The following MOB3C variants were observed in gnomAD, a reference collection of about 807,000 sequenced individuals.
The protein encoded by MOB3C is MOB kinase activator 3C.
Under a neutral mutation model 19.8 loss-of-function variants are expected in MOB3C, and 17 were observed. The observed-to-expected ratio is 0.86, with a 90% CI of 0.59 to 1.29. The LOEUF (loss-of-function observed/expected upper bound fraction) is 1.29. MOB3C is among the 50% of genes most tolerant of loss of function. The pLI is 0.00. For synonymous variants in MOB3C, 101 were observed against 119.2 expected (o/e 0.85, Z 0.99); for missense variants, 291 against 301.9 (o/e 0.96, Z 0.27).
In MOB3C at chr1:46,613,264, G is replaced by A. The variant is rs777449352; in HGVS notation, c.58C>T (p.Arg20Cys). The change falls in exon 2 of 4, where the codon CGC becomes TGC. Residue 20 changes from arginine (R) to cysteine (C), a missense_variant. By Grantham distance (180) the Arg-to-Cys change is radical (BLOSUM62 -3). Coordinates refer to ENST00000319928, the MANE Select transcript of MOB3C (RefSeq NM_201403.3). ...AKDKTFRPRK[R>C]FEPGTQRFEL... is the part of the protein sequence containing the mutation. ...AAGCGCTGTGTGCCCGGCTCAAAGCGCTTCCGCGGCCGGAACGTCTTGTCC... is the reference window on the plus strand; with the variant it reads ...AAGCGCTGTGTGCCCGGCTCAAAGCACTTCCGCGGCCGGAACGTCTTGTCC... 11 of 1,613,222 alleles carry A rather than the reference G, an allele frequency of 6.8e-6. No homozygotes were observed. The highest frequency in any genetic ancestry group is 1.7e-5 in the Admixed American group (1 of 60,018).
At position 46,608,999 on chromosome 1, in the gene MOB3C, G is replaced by A. The variant is rs1213328137; in HGVS notation, c.*656C>T. 1 of 153,866 alleles carries A rather than the reference G, an allele frequency of 6.5e-6. No homozygotes were observed. The highest frequency in any genetic ancestry group is 6.4e-5 in the Admixed American group (1 of 15,590). The allele number at this position is 153,866 out of a possible 1,614,324, so 9.5% of individuals were successfully genotyped here. Reference sequence around the variant, plus strand: ...GCTGATGGAAGAGTGTAGCCTGGAAGGTTTGAATGTAGAGCAACATCTACA... The same window carrying A: ...GCTGATGGAAGAGTGTAGCCTGGAAAGTTTGAATGTAGAGCAACATCTACA... On this transcript the variant is annotated 3_prime_UTR_variant, in exon 4 of 4. Coordinates refer to ENST00000319928, the MANE Select transcript of MOB3C (RefSeq NM_201403.3). This position sits in a 1 kb window ranked among gnomAD's most constrained non-coding sequence, Gnocchi z 4.5.
rs1260957206 is a variant in MOB3C at position 46,609,505 on chromosome 1, C to G, written c.*150G>C. ...ACAAGCGGTCAGGGCGACAGGTAGG[C>G]AGACTCCTGAGAACCAGAAGTCCAG... On this transcript the variant is annotated 3_prime_UTR_variant, in exon 4 of 4. Coordinates refer to ENST00000319928, the MANE Select transcript of MOB3C (RefSeq NM_201403.3). The G allele has an allele frequency of 2.1e-6, 2 of 972,296 alleles. No homozygotes were observed. The highest frequency in any genetic ancestry group is 3.2e-6 in the Non-Finnish European group (2 of 621,468). The allele number at this position is 972,296 out of a possible 1,614,324, so 60.2% of individuals were successfully genotyped here.
chr1:46,613,293 G>GCGAA lies in MOB3C; in HGVS notation c.25_28dup (p.Ala10ValfsTer14). 1 of 1,608,066 alleles carries GCGAA rather than the reference G, an allele frequency of 6.2e-7. No individual in the cohort carries two copies. The highest frequency in any genetic ancestry group is 1.3e-5 in the African/African-American group (1 of 75,068). On this transcript the variant is annotated frameshift_variant, in exon 2 of 4. Coordinates refer to ENST00000319928, the MANE Select transcript of MOB3C (RefSeq NM_201403.3). LOFTEE classifies it high-confidence loss of function. ...CCGCGGCCGGAACGTCTTGTCCTTG[G>GCGAA]CGAACACCTGCTTCAGGCACAGGGC...
chr1:46,612,670 A>G (rs1161439241), intron 2 of MOB3C, among the ~76,000 whole-genome samples: 2 of 111,162 alleles, frequency 1.8e-5, no homozygotes, highest in Admixed American at 8.4e-5. Context: ...AAAAAAAAAA[A>G]AAAGAAAGAA....
chr1:46,610,109 T>G lies in MOB3C; in HGVS notation c.514A>C (p.Ser172Arg). ...FVHVYIHHFDSILSMGAEAHV... is the reference protein window; with the variant it reads ...FVHVYIHHFDRILSMGAEAHV... ...GCCTCTGCCCCCATGCTGAGGATGC[T>G]ATCGAAGTGGTGGATGTAGACATGG... The change falls in exon 3 of 4, where the codon AGC (serine) becomes CGC (arginine). Residue 172 changes from serine (S) to arginine (R), a missense_variant. Ser to Arg is a moderately radical substitution (Grantham distance 110). Coordinates refer to ENST00000319928, the MANE Select transcript of MOB3C (RefSeq NM_201403.3). 2 of 1,614,184 alleles carry G rather than the reference T, an allele frequency of 1.2e-6. No individual in the cohort carries two copies. The highest frequency in any genetic ancestry group is 1.7e-6 in the Non-Finnish European group (2 of 1,180,028).
chr1:46,615,082 A>G, intron 1 of MOB3C: 3 of 1,609,862 alleles, frequency 1.9e-6, no homozygotes, highest in African/African-American at 1.3e-5. Context: ...TTCATTTGCC[A>G]TCTCCATTTT....
In MOB3C at chr1:46,608,371, G is replaced by A. The variant is rs1468795345; in HGVS notation, c.*1284C>T. On this transcript the variant is annotated 3_prime_UTR_variant, in exon 4 of 4. Coordinates refer to ENST00000319928, the MANE Select transcript of MOB3C (RefSeq NM_201403.3). This position sits in a 1 kb window ranked among gnomAD's most constrained non-coding sequence, Gnocchi z 4.5. ...TCTGGCATCCCAGAGTGGAGGCTCT[G>A]GGAGGGCAGAACCCTGTTCCTGCCT... 1 of 152,392 alleles carries A rather than the reference G, an allele frequency of 6.6e-6. No individual in the cohort carries two copies. The highest frequency in any genetic ancestry group is 1.5e-5 in the Non-Finnish European group (1 of 68,142). The allele number at this position is 152,392 out of a possible 1,614,324, so 9.4% of individuals were successfully genotyped here. A position where few individuals can be genotyped will look rare whatever the true frequency, so the allele number is the denominator to read the frequency against.
At chr1:46,609,970 T>C (rs1675434166) in intron 3 of MOB3C, 32 bp downstream of exon 3, 1 of 1,611,948 alleles carries the variant, frequency 6.2e-7, no homozygotes, top group Admixed American at 1.7e-5. Flanking sequence ...AGGCTAGCCT[T>C]GGTAGGGGAG....
chr1:46,609,158 A>C lies in MOB3C; in HGVS notation c.*497T>G. 4.8e-6 allele frequency: 1 copy of C among 206,794 alleles called. No individual in the cohort carries two copies. Among genetic ancestry groups the C allele is most frequent in the Non-Finnish European group, 1.0e-5 (1 of 99,956 alleles). The allele number at this position is 206,794 out of a possible 1,614,324, so 12.8% of individuals were successfully genotyped here. ...CCCAATCTATTTATCCATCCATCCA[A>C]CATTTATGGAAGGCCTACTATGTGC... On this transcript the variant is annotated 3_prime_UTR_variant, in exon 4 of 4. Coordinates refer to ENST00000319928, the MANE Select transcript of MOB3C (RefSeq NM_201403.3).
rs768603868 is a variant in MOB3C, at chr1:46,613,403, G to A, written c.-50-32C>T. 4.5e-6 allele frequency: 7 copies of A among 1,547,134 alleles called. No individual in the cohort carries two copies. The Admixed American group carries it at 5.6e-5, about 12-fold the overall frequency. ...GGGACAAGGGCATAGGGGAGCTGGC[G>A]GTCAAGGCCTTATCATCTGGGCTCT... On this transcript the variant is annotated intron_variant, in intron 1 of 3. Transcript: ENST00000319928.
At position 46,609,096 on chromosome 1, in the gene MOB3C, C is replaced by G; in HGVS notation, c.*559G>C. The stretch of plus-strand genomic sequence containing the variant: ...GGACGCTGAGCTGTCATCACTCCTA[C>G]AGTGGTCATGGTCTGATGGTCCCAT... On this transcript the variant is annotated 3_prime_UTR_variant, in exon 4 of 4. Transcript: ENST00000319928. 1 of 172,072 alleles carries G rather than the reference C, an allele frequency of 5.8e-6. No individual in the cohort carries two copies. Among genetic ancestry groups the G allele is most frequent in the Non-Finnish European group, 1.3e-5 (1 of 78,456 alleles). The allele number at this position is 172,072 out of a possible 1,614,324, so 10.7% of individuals were successfully genotyped here.
In MOB3C at chr1:46,613,094, G is replaced by A; in HGVS notation, c.228C>T (p.Gly76=). Residue 76 remains glycine, a synonymous_variant, in exon 2 of 4, where the codon GGC becomes GGT. Transcript: ENST00000319928. ...DFFNRINLIY[G]TMAERCSETS... ...TCTCACTGCAGCGCTCCGCCATAGT[G>A]CCGTAGATGAGGTTGATGCGGTTGA... is the stretch of plus-strand genomic sequence containing the variant. The A allele has an allele frequency of 6.2e-7, 1 of 1,614,234 alleles. No homozygotes were observed. The highest frequency in any genetic ancestry group is 8.5e-7 in the Non-Finnish European group (1 of 1,180,034).
At position 46,609,703 on chromosome 1, in the gene MOB3C, G is replaced by A; in HGVS notation, c.622-19C>T. On this transcript the variant is annotated intron_variant, in intron 3 of 3. Coordinates refer to ENST00000319928, the MANE Select transcript of MOB3C (RefSeq NM_201403.3). The stretch of plus-strand genomic sequence containing the variant: ...TCTCCCTCTGTAGAGACACAAGGTA[G>A]GGAGGGGTCAATTAGAGCTCAGCCT... 1 of 1,614,046 alleles carries A rather than the reference G, an allele frequency of 6.2e-7. No individual in the cohort carries two copies. The highest frequency in any genetic ancestry group is 1.7e-5 in the Admixed American group (1 of 60,008).
chr1:46,612,714 T>C (rs893846065), intron 2 of MOB3C, among the ~76,000 whole-genome samples, 190 bp downstream of exon 2: 12 of 149,516 alleles, frequency 8.0e-5, no homozygotes, highest in African/African-American at 2.7e-4. Flanking sequence ...AAGCCCCAAA[T>C]TGGGAGTCAG....
intron 3 of MOB3C, 30 bp from the exon 4 acceptor site, chr1:46,609,714 A>G (rs770674821): frequency 3.7e-6 from 6 of 1,613,592 alleles, no homozygotes; most frequent in Non-Finnish European, 5.1e-6. Context: ...GGAGGGGTCA[A>G]TTAGAGCTCA....
At chr1:46,613,547 T>C (rs2148804383) in intron 1 of MOB3C, 176 bp from the exon 2 acceptor site, 1 of 628,720 alleles carries the variant, frequency 1.6e-6, no homozygotes, top group South Asian at 2.0e-5. Flanking sequence ...TTCCAGGCTA[T>C]GTTAGTCCCC....
chr1:46,609,246 AC>A lies in MOB3C; in HGVS notation c.*408del, dbSNP rs1675420671. ...CCCACAGTGAAAATCACACACACAC[AC>A]ACACACCCCGGCATCTGTGCTCACT... On this transcript the variant is annotated 3_prime_UTR_variant, in exon 4 of 4. Coordinates refer to ENST00000319928, the MANE Select transcript of MOB3C (RefSeq NM_201403.3). 1 of 299,984 alleles carries A rather than the reference AC, an allele frequency of 3.3e-6. No homozygotes were observed. Among genetic ancestry groups the A allele is most frequent in the South Asian group, 3.2e-5 (1 of 31,594 alleles). The allele number at this position is 299,984 out of a possible 1,614,324, so 18.6% of individuals were successfully genotyped here.
At position 46,613,168 on chromosome 1, in the gene MOB3C, G is replaced by A; in HGVS notation, c.154C>T (p.Pro52Ser). The A allele has an allele frequency of 6.2e-7, 1 of 1,614,274 alleles. No individual in the cohort carries two copies. The highest frequency in any genetic ancestry group is 1.7e-5 in the Admixed American group (1 of 60,034). ...LDLRSVVRLPPGENIDDWIAV... is the reference protein window; with the variant it reads ...LDLRSVVRLPSGENIDDWIAV... ...ATCCAGTCGTCGATGTTCTCCCCGG[G>A]TGGTAGCCTCACCACACTGCGCAGG... is the stretch of plus-strand genomic sequence containing the variant. Residue 52 changes from proline (P) to serine (S), a missense_variant, in exon 2 of 4, where the codon CCC (proline) becomes TCC (serine). Coordinates refer to ENST00000319928, the MANE Select transcript of MOB3C (RefSeq NM_201403.3).
chr1:46,612,077 C>T (rs570993919), intron 2 of MOB3C, among the ~76,000 whole-genome samples: 2 of 152,312 alleles, frequency 1.3e-5, no homozygotes, highest in South Asian at 2.1e-4. Flanking sequence ...CTGCTGCCCT[C>T]GGGTGGGTAA....
Sources: gnomAD v4.1 joint callset for allele counts (sites outside exome capture counted in the v4.1 genomes callset) on GRCh38, gnomAD v4.1.1 for gene constraint, Gnocchi (gnomAD v3.1) non-coding constraint, MANE v1.5 for transcripts, NCBI Gene and HGNC (gene_info 2026-07-23, HGNC 2026-07-21) for gene names.